The following ABCA10 variants were observed in gnomAD, a reference collection of about 807,000 sequenced individuals.
ABCA10 encodes ATP binding cassette subfamily A member 10.
A neutral mutation model predicts 187.5 loss-of-function variants in ABCA10; 169 were observed. That is an observed-to-expected ratio of 0.90 (90% CI 0.80 to 1.02). ABCA10 has a LOEUF of 1.02. ABCA10 is among the 50% of genes least tolerant of loss of function. The probability of loss-of-function intolerance (pLI) is 0.00; values close to 1 mark genes in which losing one functional copy is unlikely to be tolerated. For missense variants in ABCA10, 1,727 were observed against 1,812.4 expected, an observed-to-expected ratio of 0.95 and a Z score of 0.86; for synonymous variants, 574 against 601.8, an observed-to-expected ratio of 0.95 and a Z score of 0.68.
At chr17:69,209,329 C>G (rs1343482561) in intron 9 of ABCA10, among the ~76,000 whole-genome samples, 1 of 35,480 alleles carries the variant, frequency 2.8e-5, no homozygotes. Flanking sequence ...TTAGAGAATT[C>G]AATTCATTTC....
chr17:69,150,862 T>C (rs2074122199), intron 36 of ABCA10, among the ~76,000 whole-genome samples: 1 of 152,190 alleles, frequency 6.6e-6, no homozygotes, highest in Non-Finnish European at 1.5e-5. Context: ...TACTGGCCAA[T>C]GCTGTTCTAG....
Position 69,152,376 on chromosome 17 carries a change from C to T in ABCA10, c.4242G>A (p.Val1414=), listed in dbSNP as rs768300766. The T allele has an allele frequency of 3.1e-6, 5 of 1,613,752 alleles. No individual in the cohort carries two copies. Among genetic ancestry groups the T allele is most frequent in the Non-Finnish European group, 4.2e-6 (5 of 1,179,830 alleles). The change falls in exon 35 of 39, where the codon GTG becomes GTA. Residue 1414 remains valine (V), a synonymous_variant. Coordinates refer to ENST00000690296, the MANE Select transcript of ABCA10 (RefSeq NM_001377321.1). ...EAVCDRMAMM[V]SGTLRCIGSI... is the part of the protein sequence containing the mutation. ...CAGGCACCCACCTTAGCGTTCCTGA[C>T]ACCATCATGGCCATACGGTCACACA...
At chr17:69,206,415 T>C (rs2074592111) in intron 9 of ABCA10, among the ~76,000 whole-genome samples, 1 of 152,056 alleles carries the variant, frequency 6.6e-6, no homozygotes, top group South Asian at 2.1e-4. Flanking sequence ...AAAAATACCT[T>C]CACAAGCGCT....
At chr17:69,179,659 T>A (rs1173931690) in intron 22 of ABCA10, among the ~76,000 whole-genome samples, 1 of 152,170 alleles carries the variant, frequency 6.6e-6, no homozygotes, top group Non-Finnish European at 1.5e-5. Context: ...AGACTGCAGG[T>A]GATAAGGAGG....
In ABCA10 at chr17:69,222,561, T is replaced by C; in HGVS notation, c.171A>G (p.Pro57=). ...TGTATTCAGAGTGCTCCTTTATAAC[T>C]GGGATTCTATATCCCCAATTAAACT... ...RLKFNWGYRI[P]VIKEHSEYTE... Residue 57 remains proline (P), a synonymous_variant, in exon 4 of 39, where the codon CCA becomes CCG. Transcript: ENST00000690296. The C allele has an allele frequency of 1.9e-6, 3 of 1,586,442 alleles. No individual in the cohort carries two copies. Among genetic ancestry groups the C allele is most frequent in the Non-Finnish European group, 2.6e-6 (3 of 1,173,144 alleles).
chr17:69,233,873 C>G (rs2074847264), intron 1 of ABCA10: 1 of 152,160 alleles, frequency 6.6e-6, no homozygotes, highest in Non-Finnish European at 1.5e-5. Context: ...CCCAGATAGA[C>G]CTGGGGAAGA....
chr17:69,194,010 G>C, intron 12 of ABCA10, 21 bp from the exon 13 acceptor site: 5 of 1,551,922 alleles, frequency 3.2e-6, no homozygotes. Flanking sequence ...AAATTTAAAA[G>C]GCTTTACTGC....
chr17:69,199,050 T>C (rs1242466710), intron 10 of ABCA10, among the ~76,000 whole-genome samples: 2 of 152,224 alleles, frequency 1.3e-5, no homozygotes, highest in Non-Finnish European at 2.9e-5. Flanking sequence ...GTGTTCCCTA[T>C]ACATACACAC....
In ABCA10 at chr17:69,183,049, T is replaced by G. The variant is rs1247201078; in HGVS notation, c.2498-241A>C. Among the ~76,000 whole-genome samples the G allele has an allele frequency of 2.0e-5, 3 of 152,218 alleles. No individual in the cohort carries two copies. In the East Asian group the frequency reaches 5.8e-4, roughly 29 times the overall value. The stretch of plus-strand genomic sequence containing the variant: ...TTCAGAAATATATTCATTTATCTTA[T>G]AATTCTCACCAGGTGAAAAGAGTTT... On this transcript the variant is annotated intron_variant, in intron 20 of 38. Coordinates refer to ENST00000690296, the MANE Select transcript of ABCA10 (RefSeq NM_001377321.1).
rs577093704 is a variant in ABCA10, at chr17:69,196,255, G to A, written c.1234+809C>T. The A allele has an allele frequency of 1.9e-4, 31 of 164,938 alleles. No homozygotes were observed. In the South Asian group the frequency reaches 4.4e-3, roughly 23 times the overall value. 10.2% of individuals were successfully genotyped at this position (164,938 alleles called of 1,614,324 possible). The stretch of plus-strand genomic sequence containing the variant: ...CGGAGATGCTCCTCACTTCCCAGAC[G>A]GGGTGGCTGCCGGGCAGAGGGGCTC... On this transcript the variant is annotated intron_variant, in intron 11 of 38. Transcript: ENST00000690296.
At chr17:69,160,803 T>C (rs532015661) in intron 27 of ABCA10, among the ~76,000 whole-genome samples, 87 of 152,318 alleles carry the variant, frequency 5.7e-4, no homozygotes, top group Middle Eastern at 3.4e-3. Flanking sequence ...TCTTGTACAC[T>C]GTTGGTGAGA....
At chr17:69,158,369 T>A (rs774732122) in intron 27 of ABCA10, among the ~76,000 whole-genome samples, 1 of 151,786 alleles carries the variant, frequency 6.6e-6, no homozygotes, top group South Asian at 2.1e-4. Context: ...AAATTGGAAA[T>A]AAGAAAATTC....
At chr17:69,209,835 A>G (rs1247305908) in intron 9 of ABCA10, among the ~76,000 whole-genome samples, 1 of 152,168 alleles carries the variant, frequency 6.6e-6, no homozygotes, top group Non-Finnish European at 1.5e-5. Flanking sequence ...ATGTTACTGT[A>G]CTCTATACTG....
At chr17:69,173,562 C>A (rs892465681) in intron 25 of ABCA10, among the ~76,000 whole-genome samples, 15 of 152,240 alleles carry the variant, frequency 9.9e-5, no homozygotes, top group Middle Eastern at 3.4e-3. Flanking sequence ...CGCTGATCCC[C>A]AAACTAAGGG....
chr17:69,242,743 G>C (rs562420772), intron 1 of ABCA10, among the ~76,000 whole-genome samples: 3 of 152,116 alleles, frequency 2.0e-5, no homozygotes, highest in Non-Finnish European at 4.4e-5. Flanking sequence ...CACTGCACCC[G>C]GTCTGAGGAA....
At chr17:69,154,879 A>G in intron 30 of ABCA10, 140 bp downstream of exon 30, 1 of 564,568 alleles carries the variant, frequency 1.8e-6, no homozygotes, top group Non-Finnish European at 3.0e-6. Flanking sequence ...TTATCTGCTG[A>G]CATGTGAAGA....
At chr17:69,165,971 A>G (rs564078654) in intron 25 of ABCA10, among the ~76,000 whole-genome samples, 1 of 152,326 alleles carries the variant, frequency 6.6e-6, no homozygotes, top group South Asian at 2.1e-4. Context: ...AGAAACTCTT[A>G]CATACCATAC....
intron 25 of ABCA10, among the ~76,000 whole-genome samples, chr17:69,171,957 T>A (rs2074301426): frequency 6.8e-6 from 1 of 147,318 alleles, no homozygotes. Flanking sequence ...AAAAAAAGAT[T>A]GATCTCAAAA....
chr17:69,200,115 T>C (rs1269676814), intron 10 of ABCA10, among the ~76,000 whole-genome samples: 2 of 152,230 alleles, frequency 1.3e-5, no homozygotes, highest in African/African-American at 4.8e-5. Flanking sequence ...ACCTTTTACG[T>C]ATCTGTTTCA....
Sources: allele counts gnomAD v4.1 joint callset (sites outside exome capture counted in the v4.1 genomes callset), GRCh38; gene constraint gnomAD v4.1.1; transcripts MANE v1.5; gene names NCBI Gene and HGNC (gene_info 2026-07-23, HGNC 2026-07-21).